Variants in DLGAP1 observed in about 807,000 individuals in gnomAD.
DLGAP1 encodes the protein DLG associated protein 1, also known as disks large-associated protein 1.
A neutral mutation model predicts 90.8 loss-of-function variants in DLGAP1; 11 were observed. The ratio of observed to expected loss-of-function variants is 0.12; its 90% CI spans 0.08 to 0.20. DLGAP1 has a LOEUF of 0.20. Ranked by LOEUF, DLGAP1 falls within the 10% of genes least tolerant of loss-of-function variation. The pLI is 1.00. For synonymous variants in DLGAP1, 558 were observed against 540.7 expected (o/e 1.03, Z -0.44); for missense variants, 1,050 against 1,333.8 (o/e 0.79, Z 3.31).
intron 5 of DLGAP1, among the ~76,000 whole-genome samples, chr18:3,758,975 T>C (rs1394158300): frequency 6.6e-6 from 1 of 152,190 alleles, no homozygotes; most frequent in African/African-American, 2.4e-5. Context: ...TCCGAAGATC[T>C]CAGTTTATAC....
chr18:3,974,084 T>TA (rs1196843928), intron 3 of DLGAP1, among the ~76,000 whole-genome samples: 2 of 152,038 alleles, frequency 1.3e-5, no homozygotes, highest in East Asian at 1.9e-4. Flanking sequence ...TTTTTATTTT[T>TA]TTTTTTTTTG....
At chr18:3,882,808 C>T (rs1175148123) in intron 3 of DLGAP1, among the ~76,000 whole-genome samples, 1 of 152,132 alleles carries the variant, frequency 6.6e-6, no homozygotes, top group East Asian at 1.9e-4. Context: ...CTTCTGACAG[C>T]CTGATTTTCT....
intron 3 of DLGAP1, among the ~76,000 whole-genome samples, chr18:3,909,614 CTCTCTT>C (rs979247634): frequency 2.6e-5 from 4 of 152,124 alleles, no homozygotes; most frequent in Admixed American, 6.5e-5. Context: ...AAAACTCTTT[CTCTCTT>C]TCTCTTTCTC....
At chr18:3,873,265 G>A (rs865875857) in intron 4 of DLGAP1, among the ~76,000 whole-genome samples, 54 of 152,092 alleles carry the variant, frequency 3.6e-4, no homozygotes, top group African/African-American at 1.2e-3. Flanking sequence ...CACATCCAAA[G>A]TTAGCACCAG....
chr18:4,373,438 G>A (rs759328669), intron 1 of DLGAP1, among the ~76,000 whole-genome samples: 3 of 152,164 alleles, frequency 2.0e-5, no homozygotes, highest in Admixed American at 6.5e-5. Context: ...GGATTCCAGC[G>A]TGGAGGAAAG....
At chr18:3,537,578 T>C (rs1390852931) in intron 9 of DLGAP1, among the ~76,000 whole-genome samples, 1 of 152,240 alleles carries the variant, frequency 6.6e-6, no homozygotes, top group African/African-American at 2.4e-5. Flanking sequence ...AACATGGGTA[T>C]ACAGATAACT....
In DLGAP1 at chr18:3,835,929, CA is replaced by C. The variant is rs2068353171; in HGVS notation, c.958-21657del. On this transcript the variant is annotated intron_variant, in intron 4 of 12. Coordinates refer to ENST00000315677, the MANE Select transcript of DLGAP1 (RefSeq NM_004746.4). ...TTGTGTGTCTGCTATGTGGGAGGCA[CA>C]GTTGTTATAAAACAAATATAAAGTT... 5.9e-5 allele frequency among the ~76,000 whole-genome samples: 9 copies of C among 152,062 alleles called. No individual in the cohort carries two copies. The South Asian group carries it at 1.9e-3, about 32-fold the overall frequency.
intron 4 of DLGAP1, among the ~76,000 whole-genome samples, chr18:3,847,112 C>G (rs1018361993): frequency 8.5e-5 from 13 of 152,066 alleles, no homozygotes; most frequent in Non-Finnish European, 1.8e-4. Context: ...GAAGCTAGGT[C>G]AGTAAATTTC....
At chr18:4,275,901 T>C (rs1328812636) in intron 1 of DLGAP1, among the ~76,000 whole-genome samples, 5 of 152,102 alleles carry the variant, frequency 3.3e-5, no homozygotes, top group Admixed American at 1.3e-4. Flanking sequence ...AGTTCATTGA[T>C]TAGAAAAGCC....
chr18:4,329,177 G>C (rs1022031790), intron 1 of DLGAP1, among the ~76,000 whole-genome samples: 8 of 151,850 alleles, frequency 5.3e-5, no homozygotes, highest in African/African-American at 9.7e-5. Context: ...AAACCAGTTT[G>C]AATTGTTTTG....
chr18:4,112,077 C>A (rs1036095865), intron 2 of DLGAP1, among the ~76,000 whole-genome samples: 8 of 151,850 alleles, frequency 5.3e-5, no homozygotes, highest in Admixed American at 2.6e-4. Flanking sequence ...CAGCTACAAA[C>A]TTCCCTGTGA....
intron 3 of DLGAP1, among the ~76,000 whole-genome samples, chr18:3,903,482 A>G (rs2071829690): frequency 6.6e-6 from 1 of 152,246 alleles, no homozygotes; most frequent in Admixed American, 6.5e-5. Flanking sequence ...GGATTTACGT[A>G]TGACTAGCAC....
intron 1 of DLGAP1, among the ~76,000 whole-genome samples, chr18:4,270,290 G>A (rs955660918): frequency 6.6e-6 from 1 of 152,124 alleles, no homozygotes; most frequent in Non-Finnish European, 1.5e-5. Context: ...AACAGAAAGT[G>A]CAAAGCCAAG....
At chr18:4,263,896 C>A (rs1385535869) in intron 1 of DLGAP1, among the ~76,000 whole-genome samples, 1 of 152,228 alleles carries the variant, frequency 6.6e-6, no homozygotes, top group South Asian at 2.1e-4. Flanking sequence ...ATGAATGACT[C>A]CCTACTCATT....
chr18:4,252,535 T>C (rs1298434121), intron 1 of DLGAP1, among the ~76,000 whole-genome samples: 1 of 152,196 alleles, frequency 6.6e-6, no homozygotes, highest in African/African-American at 2.4e-5. Context: ...TTCTATGCAG[T>C]ATTATGCTTT....
chr18:3,947,016 G>T lies in DLGAP1; in HGVS notation c.-73+58100C>A, dbSNP rs984563390. Among the ~76,000 whole-genome samples the T allele has an allele frequency of 1.3e-3, 202 of 152,240 alleles. 1 individual carries two copies. The highest frequency in any genetic ancestry group is 4.4e-3 in the African/African-American group (183 of 41,538). On this transcript the variant is annotated intron_variant, in intron 3 of 12. Transcript: ENST00000315677. Reference sequence around the variant, plus strand: ...AAGCTCCTTGTTTTATTCTTTGAATGGGTGTTCAACAGTAATGAAGGCAGC... The same window carrying T: ...AAGCTCCTTGTTTTATTCTTTGAATTGGTGTTCAACAGTAATGAAGGCAGC...
intron 4 of DLGAP1, among the ~76,000 whole-genome samples, chr18:3,878,768 G>A (rs542189884): frequency 1.6e-3 from 243 of 152,224 alleles, no homozygotes; most frequent in African/African-American, 5.3e-3. Flanking sequence ...AAAGAAAGGT[G>A]GACTTCTTTT....
At chr18:4,443,310 T>C (rs1209025642) in intron 1 of DLGAP1, among the ~76,000 whole-genome samples, 1 of 152,150 alleles carries the variant, frequency 6.6e-6, no homozygotes, top group African/African-American at 2.4e-5. Context: ...TTGCTCCCAC[T>C]TCCCCTCACC....
At chr18:4,223,027 G>A (rs915980428) in intron 1 of DLGAP1, among the ~76,000 whole-genome samples, 12 of 152,202 alleles carry the variant, frequency 7.9e-5, no homozygotes, top group East Asian at 5.8e-4. Context: ...GCTGAGGTAC[G>A]AGAAGCACTT....
Sources: gnomAD v4.1 joint callset for allele counts (sites outside exome capture counted in the v4.1 genomes callset) on GRCh38, gnomAD v4.1.1 for gene constraint, MANE v1.5 for transcripts, NCBI Gene and HGNC (gene_info 2026-07-23, HGNC 2026-07-21) for gene names.